Variants in CCR6 observed in about 807,000 individuals in gnomAD.
CCR6 encodes C-C motif chemokine receptor 6.
CCR6 carries 2 observed loss-of-function variants against 3.0 expected under a neutral mutation model. The observed-to-expected ratio is 0.66, with a 90% confidence interval of 0.27 to 2.07. The LOEUF (loss-of-function observed/expected upper bound fraction) is 2.07. Ranked by LOEUF, CCR6 falls within the 30% of genes most tolerant of loss-of-function variation. The pLI, the probability that CCR6 is intolerant of heterozygous loss-of-function variation, is 0.14. For missense variants in CCR6, 322 were observed against 462.8 expected, an observed-to-expected ratio of 0.70 and a Z score of 2.79; for synonymous variants, 193 against 184.3, an observed-to-expected ratio of 1.05 and a Z score of -0.38.
chr6:167,131,865 C>T (rs543973564), intron 1 of CCR6, among the ~76,000 whole-genome samples: 1 of 152,294 alleles, frequency 6.6e-6, no homozygotes, highest in South Asian at 2.1e-4. Flanking sequence ...CAATAAATGT[C>T]ACCGATTGAA....
intron 1 of CCR6, chr6:167,129,639 A>T (rs1781722428): frequency 6.6e-6 from 1 of 150,670 alleles, no homozygotes; most frequent in Non-Finnish European, 1.5e-5. Flanking sequence ...CCAAACAGGA[A>T]TCAAGAAATT....
chr6:167,126,891 A>G (rs1039595506), intron 1 of CCR6, among the ~76,000 whole-genome samples: 5 of 152,108 alleles, frequency 3.3e-5, no homozygotes, highest in African/African-American at 1.2e-4. Context: ...TCCTGCCATC[A>G]TGTGAAGAAG....
chr6:167,132,559 T>C (rs1407198967), intron 1 of CCR6, among the ~76,000 whole-genome samples: 2 of 152,062 alleles, frequency 1.3e-5, no homozygotes, highest in East Asian at 3.9e-4. Context: ...GTGTGTGTTT[T>C]GGACGGAGTC....
At chr6:167,128,003 C>A (rs1216425877) in intron 1 of CCR6, among the ~76,000 whole-genome samples, 1 of 152,252 alleles carries the variant, frequency 6.6e-6, no homozygotes, top group Non-Finnish European at 1.5e-5. Context: ...CATGGCTCGG[C>A]TTGTGGCCCC....
upstream of CCR6, among the ~76,000 whole-genome samples, chr6:167,118,795 A>G (rs1383923712): frequency 6.6e-6 from 1 of 152,160 alleles, no homozygotes; most frequent in East Asian, 1.9e-4. Context: ...GAGGACTATG[A>G]CAACCCCAGG....
At position 167,136,016 on chromosome 6, in the gene CCR6, T is replaced by G; in HGVS notation, c.-97-22T>G. 9.1e-7 allele frequency: 1 copy of G among 1,096,324 alleles called. No individual in the cohort carries two copies. The highest frequency in any genetic ancestry group is 1.3e-6 in the Non-Finnish European group (1 of 745,888). The allele number at this position is 1,096,324 out of a possible 1,614,324, so 67.9% of individuals were successfully genotyped here. On this transcript the variant is annotated intron_variant, in intron 1 of 2. Transcript: ENST00000341935. The surrounding 1 kb of genome is among the most constrained non-coding windows in gnomAD (Gnocchi z 4.6). ...GAATACCTGTGTTAACTGTAGTGCA[T>G]TTTGCCTTCTTTCCTTCTTAGAGTC...
At chr6:167,120,045 A>G (rs3756843), upstream of CCR6, among the ~76,000 whole-genome samples, 122 of 152,310 alleles carry the variant, frequency 8.0e-4, 1 homozygote, top group East Asian at 0.022. Flanking sequence ...TGTGCGCACA[A>G]TGAGAGTAGA....
intron 1 of CCR6, among the ~76,000 whole-genome samples, chr6:167,113,657 A>T (rs899475703): frequency 6.6e-6 from 1 of 152,218 alleles, no homozygotes; most frequent in Non-Finnish European, 1.5e-5. Context: ...ATGTCTTAGC[A>T]ATATTTTCAC....
upstream of CCR6, among the ~76,000 whole-genome samples, chr6:167,122,412 G>A (rs186188137): frequency 6.6e-6 from 1 of 152,284 alleles, no homozygotes; most frequent in East Asian, 1.9e-4. This position sits in a 1 kb window ranked among gnomAD's most constrained non-coding sequence, Gnocchi z 4.2. Flanking sequence ...TAAAGACAGG[G>A]CAGTGACCCG....
rs1781888642 is a variant in CCR6, at chr6:167,138,758, C to T, written c.*1403C>T. The T allele has an allele frequency of 6.6e-6, 1 of 151,868 alleles. No homozygotes were observed. Among genetic ancestry groups the T allele is most frequent in the Admixed American group, 6.6e-5 (1 of 15,220 alleles). 9.4% of individuals were successfully genotyped at this position (151,868 alleles called of 1,614,324 possible). ...CAGCCTGGCCAACATGGCGAAACCCCTCTCTACTAAAAATACAAAAATTTG... is the reference window on the plus strand; with the variant it reads ...CAGCCTGGCCAACATGGCGAAACCCTTCTCTACTAAAAATACAAAAATTTG... On this transcript the variant is annotated 3_prime_UTR_variant, in exon 3 of 3. Transcript: ENST00000341935.
At chr6:167,111,937 C>G (rs1562552323) in exon 1 of CCR6, 1 of 152,264 alleles carries the variant, frequency 6.6e-6, no homozygotes, top group Non-Finnish European at 1.5e-5. Flanking sequence ...ACAGAAATGT[C>G]AACCTTTTCA....
At chr6:167,131,281 T>C (rs1203479383) in intron 1 of CCR6, 1 of 152,378 alleles carries the variant, frequency 6.6e-6, no homozygotes, top group Non-Finnish European at 1.5e-5. Context: ...TAAACATTTG[T>C]TGAACTGAGT....
chr6:167,124,763 A>G (rs1781643300), intron 1 of CCR6, among the ~76,000 whole-genome samples: 2 of 152,076 alleles, frequency 1.3e-5, no homozygotes, highest in Admixed American at 6.6e-5. Context: ...TCTAATGCCT[A>G]GCAGGTAACT....
chr6:167,133,023 C>G (rs1781794601), intron 1 of CCR6, among the ~76,000 whole-genome samples: 1 of 152,192 alleles, frequency 6.6e-6, no homozygotes, highest in East Asian at 1.9e-4. Context: ...TGGATATAAC[C>G]TATTATCAGA....
chr6:167,121,684 G>A (rs907075782), upstream of CCR6, among the ~76,000 whole-genome samples: 3 of 152,162 alleles, frequency 2.0e-5, no homozygotes, highest in Admixed American at 1.3e-4. Context: ...GGGGAGGAGC[G>A]CCCCAGGGCT....
chr6:167,128,353 G>A (rs1434425373), intron 1 of CCR6, among the ~76,000 whole-genome samples: 1 of 152,198 alleles, frequency 6.6e-6, no homozygotes, highest in South Asian at 2.1e-4. Context: ...GTGCCTCCGC[G>A]CTCTATCTAT....
chr6:167,119,960 G>A (rs189495537), upstream of CCR6, among the ~76,000 whole-genome samples: 26 of 152,252 alleles, frequency 1.7e-4, no homozygotes, highest in Non-Finnish European at 2.8e-4. Flanking sequence ...GGAGGGTTTT[G>A]TAAAAACCAA....
chr6:167,124,552 T>A (rs1014321825), intron 1 of CCR6, among the ~76,000 whole-genome samples: 1 of 152,206 alleles, frequency 6.6e-6, no homozygotes, highest in Admixed American at 6.5e-5. Context: ...TTATTTAAGA[T>A]CTTGTGGGAA....
At chr6:167,122,139 G>A (rs1158520152), upstream of CCR6, among the ~76,000 whole-genome samples, 1 of 152,166 alleles carries the variant, frequency 6.6e-6, no homozygotes, top group African/African-American at 2.4e-5. This position sits in a 1 kb window ranked among gnomAD's most constrained non-coding sequence, Gnocchi z 4.2. Context: ...GCTGGGCAGC[G>A]GGCAGTGGAG....
Sources: allele counts gnomAD v4.1 joint callset (sites outside exome capture counted in the v4.1 genomes callset), GRCh38; gene constraint gnomAD v4.1.1; non-coding constraint Gnocchi (gnomAD v3.1); transcripts MANE v1.5; gene names NCBI Gene and HGNC (gene_info 2026-07-23, HGNC 2026-07-21).